Variants in WDR49 observed in about 807,000 individuals in gnomAD.
The protein encoded by WDR49 is cilia- and flagella-associated protein 337.
WDR49 carries 107 observed loss-of-function variants against 119.5 expected under a neutral mutation model. The observed-to-expected ratio is 0.90, with a 90% CI of 0.77 to 1.05. The LOEUF is 1.05. Ranked by LOEUF, WDR49 falls within the 50% of genes least tolerant of loss-of-function variation. WDR49 has a pLI of 0.00. For missense variants in WDR49, 1,240 were observed against 1,220.5 expected, an observed-to-expected ratio of 1.02 and a Z score of -0.24; for synonymous variants, 425 against 418.8, an observed-to-expected ratio of 1.01 and a Z score of -0.18.
chr3:167,542,157 A>G (rs898741817), intron 10 of WDR49, among the ~76,000 whole-genome samples: 4 of 152,216 alleles, frequency 2.6e-5, no homozygotes, highest in African/African-American at 9.6e-5. Flanking sequence ...TAGTAGACAT[A>G]AGAAATGAGA....
intron 5 of WDR49, among the ~76,000 whole-genome samples, chr3:167,613,001 T>G (rs988828213): frequency 6.6e-6 from 1 of 152,186 alleles, no homozygotes; most frequent in East Asian, 1.9e-4. Context: ...AGGATGACTA[T>G]AGTCAATAAT....
rs1389845816 is a variant in WDR49 at position 167,609,097 on chromosome 3, C to T, written c.959-4629G>A. Among the ~76,000 whole-genome samples the T allele has an allele frequency of 2.0e-5, 3 of 151,092 alleles. No individual in the cohort carries two copies. In the East Asian group the frequency reaches 5.8e-4, roughly 29 times the overall value. On this transcript the variant is annotated intron_variant, in intron 5 of 18. Transcript: ENST00000682715. ...ACTTAGAGTAAGATAAAATAAGGCA[C>T]TCTATAACATTTGCCAACTGATAGA...
intron 5 of WDR49, among the ~76,000 whole-genome samples, chr3:167,613,477 G>A (rs76499556): frequency 0.02 from 3,006 of 152,216 alleles, 95 homozygotes; most frequent in African/African-American, 0.065. Flanking sequence ...GAAAGGCAGC[G>A]TGGTCTAGCT....
intron 7 of WDR49, among the ~76,000 whole-genome samples, chr3:167,584,740 C>A (rs536740635): frequency 6.6e-6 from 1 of 151,878 alleles, no homozygotes; most frequent in Admixed American, 6.6e-5. Context: ...AAAATCTACA[C>A]AAAAATGAAC....
In WDR49 at chr3:167,520,842, T is replaced by A. The variant is rs145718692; in HGVS notation, c.2774+1473A>T. Among the ~76,000 whole-genome samples the A allele has an allele frequency of 7.9e-5, 12 of 152,184 alleles. No homozygotes were observed. The East Asian group carries it at 2.3e-3, about 29-fold the overall frequency. ...ACTTAAGCCAACCATCACTTTAAGATATAAACAAAGGATGCGGAAACTATA... is the reference window on the plus strand; with the variant it reads ...ACTTAAGCCAACCATCACTTTAAGAAATAAACAAAGGATGCGGAAACTATA... On this transcript the variant is annotated intron_variant, in intron 16 of 18. Transcript: ENST00000682715.
chr3:167,527,740 T>G, intron 15 of WDR49, 80 bp downstream of exon 15: 113 of 1,367,154 alleles, frequency 8.3e-5, no homozygotes, highest in Middle Eastern at 2.5e-4. Flanking sequence ...AAACAGCTGA[T>G]GAGATTCAAA....
intron 18 of WDR49, among the ~76,000 whole-genome samples, chr3:167,493,978 A>G (rs949406957): frequency 1.3e-5 from 2 of 152,306 alleles, no homozygotes; most frequent in South Asian, 2.1e-4. Flanking sequence ...ACATGTATTC[A>G]TCTCTTATTG....
chr3:167,541,500 A>G (rs1177797550), intron 10 of WDR49, among the ~76,000 whole-genome samples: 2 of 152,062 alleles, frequency 1.3e-5, no homozygotes, highest in Non-Finnish European at 2.9e-5. Context: ...CTGAGAGTTA[A>G]CAACTACCAA....
At chr3:167,606,833 C>T (rs1716085307) in intron 5 of WDR49, among the ~76,000 whole-genome samples, 1 of 152,124 alleles carries the variant, frequency 6.6e-6, no homozygotes, top group Admixed American at 6.6e-5. Context: ...ATGGCCAATA[C>T]CCCTATAACC....
In WDR49 at chr3:167,574,018, G is replaced by T. The variant is rs1714096913; in HGVS notation, c.1509+1900C>A. 2.0e-5 allele frequency among the ~76,000 whole-genome samples: 3 copies of T among 152,186 alleles called. No individual in the cohort carries two copies. The South Asian group carries it at 6.2e-4, about 32-fold the overall frequency. ...GAAATGTGACCAACACTGGCCTCAG[G>T]CAGAATTGATCACTCTCCATAAAAA... On this transcript the variant is annotated intron_variant, in intron 8 of 18. Transcript: ENST00000682715.
At chr3:167,566,246 C>T (rs192322417) in intron 8 of WDR49, among the ~76,000 whole-genome samples, 267 of 152,242 alleles carry the variant, frequency 1.8e-3, no homozygotes, top group Non-Finnish European at 2.9e-3. Context: ...GGAATTTATC[C>T]TATAGATATT....
At chr3:167,541,525 A>G (rs757758179) in intron 10 of WDR49, among the ~76,000 whole-genome samples, 1 of 152,150 alleles carries the variant, frequency 6.6e-6, no homozygotes, top group African/African-American at 2.4e-5. Context: ...GCACTACAAT[A>G]AAGGCTAGAA....
intron 2 of WDR49, among the ~76,000 whole-genome samples, chr3:167,643,174 C>T (rs957582319): frequency 1.3e-5 from 2 of 151,952 alleles, no homozygotes; most frequent in Non-Finnish European, 2.9e-5. Flanking sequence ...AACTATCAGC[C>T]CACAAGTTCC....
chr3:167,611,346 A>C (rs2108314037), intron 5 of WDR49, among the ~76,000 whole-genome samples: 1 of 152,294 alleles, frequency 6.6e-6, no homozygotes, highest in South Asian at 2.1e-4. Flanking sequence ...AATATACAAA[A>C]AATAAAAAGC....
At chr3:167,596,255 C>A (rs1290405658) in intron 7 of WDR49, among the ~76,000 whole-genome samples, 1 of 151,108 alleles carries the variant, frequency 6.6e-6, no homozygotes, top group Non-Finnish European at 1.5e-5. Flanking sequence ...AATAGGAACG[C>A]TTTTACACTG....
intron 10 of WDR49, among the ~76,000 whole-genome samples, chr3:167,546,852 G>T (rs1035217248): frequency 6.6e-6 from 1 of 151,728 alleles, no homozygotes; most frequent in African/African-American, 2.4e-5. Flanking sequence ...ATTGTTGTTA[G>T]TCCTATTGTC....
rs766751099 is a variant in WDR49 at position 167,527,873 on chromosome 3, A to G, written c.2551T>C (p.Cys851Arg). ...CAGACACCAGTCACACAAATACTGC[A>G]GTCTGCAGAGGAGGAGATAATCAGT... ...QLLIISSSAD[C>R]SICVTGVCNA... is the part of the protein sequence containing the mutation. The change falls in exon 15 of 19, where the codon TGC (cysteine) becomes CGC (arginine). Residue 851 changes from cysteine to arginine, a missense_variant. By Grantham distance (180) the Cys-to-Arg change is radical. Transcript: ENST00000682715. The G allele has an allele frequency of 1.7e-5, 27 of 1,613,168 alleles. No homozygotes were observed. In the South Asian group the frequency reaches 2.2e-4, roughly 13 times the overall value.
chr3:167,589,115 T>C (rs1714975692), intron 7 of WDR49, among the ~76,000 whole-genome samples: 1 of 152,158 alleles, frequency 6.6e-6, no homozygotes, highest in Non-Finnish European at 1.5e-5. Context: ...AATTTTTGTA[T>C]ATGACAAGAT....
chr3:167,544,658 G>C (rs1712055975), intron 10 of WDR49, among the ~76,000 whole-genome samples: 1 of 151,964 alleles, frequency 6.6e-6, no homozygotes, highest in African/African-American at 2.4e-5. Flanking sequence ...AATGAAGCTG[G>C]ATCCTTGCCT....
Sources: gnomAD v4.1 joint callset for allele counts (sites outside exome capture counted in the v4.1 genomes callset) on GRCh38, gnomAD v4.1.1 for gene constraint, MANE v1.5 for transcripts, NCBI Gene and HGNC (gene_info 2026-07-23, HGNC 2026-07-21) for gene names.